The following HDAC4 variants were observed in gnomAD, a reference collection of about 807,000 sequenced individuals.
HDAC4 encodes histone deacetylase A.
A neutral mutation model predicts 135.1 loss-of-function variants in HDAC4; 16 were observed. That is an observed-to-expected ratio of 0.12 (90% CI 0.08 to 0.18). The LOEUF (loss-of-function observed/expected upper bound fraction) is 0.18, where lower values mean the gene tolerates loss of function less well. HDAC4 is among the 10% of genes least tolerant of loss of function. The probability of loss-of-function intolerance (pLI) is 1.00; values close to 1 mark genes in which losing one functional copy is unlikely to be tolerated. For missense variants in HDAC4, 1,143 were observed against 1,511.8 expected, an observed-to-expected ratio of 0.76 and a Z score of 4.05; for synonymous variants, 685 against 653.4, an observed-to-expected ratio of 1.05 and a Z score of -0.74.
chr2:239,335,090 G>A (rs1256310164), intron 2 of HDAC4, among the ~76,000 whole-genome samples: 1 of 150,110 alleles, frequency 6.7e-6, no homozygotes, highest in Non-Finnish European at 1.5e-5. Flanking sequence ...AACAAGCTTT[G>A]AAAAGTTTTA....
intron 4 of HDAC4, among the ~76,000 whole-genome samples, chr2:239,188,520 G>C (rs1403626671): frequency 3.3e-5 from 5 of 152,186 alleles, no homozygotes; most frequent in Non-Finnish European, 5.9e-5. Flanking sequence ...TCTACCCATG[G>C]ACCACGTGAG....
chr2:239,384,963 A>C (rs1695688047), intron 1 of HDAC4, among the ~76,000 whole-genome samples: 1 of 152,174 alleles, frequency 6.6e-6, no homozygotes, highest in African/African-American at 2.4e-5. Context: ...GGGGAGGTGC[A>C]CACCCAAGGG....
intron 1 of HDAC4, among the ~76,000 whole-genome samples, chr2:239,392,158 G>A (rs1006811000): frequency 7.9e-5 from 12 of 152,228 alleles, no homozygotes; most frequent in Admixed American, 5.2e-4. Context: ...TGCACGTAAC[G>A]GCTCTGCAGG....
At chr2:239,059,409 G>T (rs991749107) in intron 24 of HDAC4, among the ~76,000 whole-genome samples, 2 of 152,174 alleles carry the variant, frequency 1.3e-5, no homozygotes, top group Non-Finnish European at 2.9e-5. Context: ...GCTCCGGCAG[G>T]ACTGACGGAG....
chr2:239,190,018 G>A lies in HDAC4; in HGVS notation c.154C>T (p.Arg52Cys), dbSNP rs765709960. 29 of 1,605,118 alleles carry A rather than the reference G, an allele frequency of 1.8e-5. No homozygotes were observed. The highest frequency in any genetic ancestry group is 9.9e-5 in the South Asian group (9 of 91,048). ...VAPSAVPMDL[R>C]LDHQFSLPVA... ...GGCAGTGAGAACTGGTGGTCCAGGC[G>A]CAGGTCCATGGGCACTGCCGAGGGG... Residue 52 changes from arginine to cysteine, a missense_variant, in exon 4 of 27, where the codon CGC becomes TGC. Arg to Cys is a radical substitution (Grantham distance 180, BLOSUM62 -3). Transcript: ENST00000543185.
chr2:239,200,675 G>A (rs1416111827), intron 3 of HDAC4, among the ~76,000 whole-genome samples: 5 of 152,326 alleles, frequency 3.3e-5, no homozygotes, highest in South Asian at 4.1e-4. Flanking sequence ...AAATCAAAAT[G>A]TAAAGAAATA....
At chr2:239,341,036 A>C (rs1390715762) in intron 2 of HDAC4, among the ~76,000 whole-genome samples, 1 of 152,258 alleles carries the variant, frequency 6.6e-6, no homozygotes, top group Admixed American at 6.5e-5. Flanking sequence ...CGTACAATGC[A>C]TCGGGCACTA....
At chr2:239,140,827 G>A (rs138793290) in intron 8 of HDAC4, 7,696 of 376,656 alleles carry the variant, frequency 0.02, 130 homozygotes, top group Middle Eastern at 0.051. Flanking sequence ...CTTGCTGCCC[G>A]CGTCCTCCTG....
At chr2:239,190,655 A>G (rs1437246039) in intron 3 of HDAC4, among the ~76,000 whole-genome samples, 1 of 152,166 alleles carries the variant, frequency 6.6e-6, no homozygotes, top group Non-Finnish European at 1.5e-5. Flanking sequence ...CTTGGAAAAC[A>G]TGTTTACCAG....
chr2:239,168,558 T>C (rs1040728326), intron 5 of HDAC4, among the ~76,000 whole-genome samples: 1 of 152,138 alleles, frequency 6.6e-6, no homozygotes, highest in Non-Finnish European at 1.5e-5. Context: ...AATAAGAAAT[T>C]CACTTAAAAA....
At chr2:239,236,991 T>C (rs2047923685) in intron 2 of HDAC4, among the ~76,000 whole-genome samples, 1 of 151,940 alleles carries the variant, frequency 6.6e-6, no homozygotes, top group South Asian at 2.1e-4. Context: ...ACCACAAGCA[T>C]TAAGATAACA....
intron 5 of HDAC4, among the ~76,000 whole-genome samples, chr2:239,168,949 C>T (rs927416820): frequency 2.6e-5 from 4 of 152,198 alleles, no homozygotes; most frequent in Admixed American, 2.0e-4. Flanking sequence ...TCCAGAGCTC[C>T]AGTTAAGGGT....
At chr2:239,269,541 CCA>C (rs2049944806) in intron 2 of HDAC4, among the ~76,000 whole-genome samples, 2 of 152,190 alleles carry the variant, frequency 1.3e-5, no homozygotes, top group Admixed American at 6.5e-5. Flanking sequence ...CTTCAGAACC[CCA>C]GTTTTCCCCA....
intron 16 of HDAC4, among the ~76,000 whole-genome samples, chr2:239,096,885 G>C (rs1434706972): frequency 6.6e-6 from 1 of 152,168 alleles, no homozygotes; most frequent in Non-Finnish European, 1.5e-5. Context: ...CCGGAGGCTT[G>C]TAGAATGGCC....
In HDAC4 at chr2:239,050,785, G is replaced by A. The variant is rs2030728317; in HGVS notation, c.*2312C>T. 6.6e-6 allele frequency: 1 copy of A among 152,554 alleles called. No individual in the cohort carries two copies. Among genetic ancestry groups the A allele is most frequent in the African/African-American group, 2.4e-5 (1 of 41,414 alleles). The allele number at this position is 152,554 out of a possible 1,614,324, so 9.5% of individuals were successfully genotyped here. Reference sequence around the variant, plus strand: ...AATGAAACTGGTGGCTTCATGTGCTGGAAAATAAGTTACCAGTAAAACGTG... The same window carrying A: ...AATGAAACTGGTGGCTTCATGTGCTAGAAAATAAGTTACCAGTAAAACGTG... On this transcript the variant is annotated 3_prime_UTR_variant, in exon 27 of 27. Transcript: ENST00000543185.
chr2:239,155,861 C>T (rs938236067), intron 7 of HDAC4, among the ~76,000 whole-genome samples: 6 of 152,218 alleles, frequency 3.9e-5, no homozygotes, highest in Admixed American at 6.5e-5. Context: ...AGGCACTGCC[C>T]GCCCTCAGCA....
rs113877638 is a variant in HDAC4, at chr2:239,049,247, C to G, written c.*3850G>C. ...TTTCTTAAGAATAAGTTCAATAAGA[C>G]GCAAACTTCCCCGCCCTCCTCTCCT... On this transcript the variant is annotated 3_prime_UTR_variant, in exon 27 of 27. Transcript: ENST00000543185. 3.3e-5 allele frequency: 5 copies of G among 152,468 alleles called. No individual in the cohort carries two copies. The highest frequency in any genetic ancestry group is 1.2e-4 in the African/African-American group (5 of 41,396). 9.4% of individuals were successfully genotyped at this position (152,468 alleles called of 1,614,324 possible). A position where few individuals can be genotyped will look rare whatever the true frequency, so the allele number is the denominator to read the frequency against.
At chr2:239,218,922 C>T (rs1484944863) in intron 3 of HDAC4, among the ~76,000 whole-genome samples, 1 of 150,726 alleles carries the variant, frequency 6.6e-6, no homozygotes, top group African/African-American at 2.4e-5. Context: ...CAATGAGATA[C>T]CATCTCACCC....
intron 2 of HDAC4, among the ~76,000 whole-genome samples, chr2:239,252,617 T>C (rs13406098): frequency 0.011 from 1,635 of 152,288 alleles, 35 homozygotes; most frequent in African/African-American, 0.038. Flanking sequence ...AGTTCCTTCT[T>C]GAGGATGGGA....
Sources: gnomAD v4.1 joint callset for allele counts (sites outside exome capture counted in the v4.1 genomes callset) on GRCh38, gnomAD v4.1.1 for gene constraint, MANE v1.5 for transcripts, NCBI Gene and HGNC (gene_info 2026-07-23, HGNC 2026-07-21) for gene names.